KYAT3: variants seen among roughly 807,000 people sequenced by gnomAD.
KYAT3 encodes the protein kynurenine aminotransferase 3.
KYAT3 carries 50 observed loss-of-function variants against 59.0 expected under a neutral mutation model. That is an observed-to-expected ratio of 0.85 (90% CI 0.68 to 1.07). The LOEUF (loss-of-function observed/expected upper bound fraction) is 1.07, where lower values mean the gene tolerates loss of function less well. KYAT3 is among the 50% of genes least tolerant of loss of function. KYAT3 has a pLI of 0.00. For synonymous variants in KYAT3, 148 were observed against 177.0 expected, an observed-to-expected ratio of 0.84 and a Z score of 1.30; for missense variants, 497 against 533.3, an observed-to-expected ratio of 0.93 and a Z score of 0.67.
intron 2 of KYAT3, chr1:88,980,873 A>T (rs890064931): frequency 2.0e-5 from 3 of 152,216 alleles, no homozygotes; most frequent in African/African-American, 7.2e-5. Flanking sequence ...TTTGGTCATT[A>T]CCCTTGTGGT....
rs1462377230 is a variant in KYAT3 at position 88,936,210 on chromosome 1, G to C, written c.1338C>G (p.Ile446Met). The C allele has an allele frequency of 1.2e-6, 2 of 1,611,272 alleles. No individual in the cohort carries two copies. Among genetic ancestry groups the C allele is most frequent in the Admixed American group, 3.3e-5 (2 of 59,970 alleles). ...DSTLDAAEEI[I>M]KAWSVQKS is the part of the protein sequence containing the mutation. ...AAGACTTCTGTACACTCCATGCCTT[G>C]ATGATTTCTTCAGCAGCATCCAGTG... Residue 446 changes from isoleucine (I) to methionine (M), a missense_variant, in exon 14 of 14, where the codon ATC becomes ATG. Around this residue, in one of 2 missense-constraint regions of KYAT3, gnomAD observed 28 missense variants for 54.2 expected, o/e 0.52. Coordinates refer to ENST00000260508, the MANE Select transcript of KYAT3 (RefSeq NM_001008661.3).
Position 88,965,080 on chromosome 1 carries a change from T to A in KYAT3, c.304-102A>T, listed in dbSNP as rs557709318. 4.4e-6 allele frequency: 4 copies of A among 911,950 alleles called. No homozygotes were observed. In the East Asian group the frequency reaches 1.1e-4, roughly 26 times the overall value. The allele number at this position is 911,950 out of a possible 1,614,324, so 56.5% of individuals were successfully genotyped here. ...TGTAAGAATTTTTAAAATTTGGATT[T>A]GATGTTTATAATTACCCCAAGAAAA... On this transcript the variant is annotated intron_variant, in intron 4 of 13. Transcript: ENST00000260508.
At chr1:88,969,908 T>C (rs772946572) in intron 2 of KYAT3, among the ~76,000 whole-genome samples, 87 of 152,138 alleles carry the variant, frequency 5.7e-4, no homozygotes, top group Non-Finnish European at 1.1e-3. Context: ...TCCTCCTACC[T>C]TGGCCTCTCA....
the KYAT3 span, among the ~76,000 whole-genome samples, chr1:88,928,725 G>C: frequency 6.6e-6 from 1 of 152,068 alleles, no homozygotes; most frequent in Admixed American, 6.6e-5. Context: ...AGACCATTGA[G>C]GGCCAGGAGG....
intron 1 of KYAT3, among the ~76,000 whole-genome samples, chr1:88,988,603 ATTCTT>A (rs1677607339): frequency 6.6e-6 from 1 of 152,238 alleles, no homozygotes; most frequent in Admixed American, 6.5e-5. Flanking sequence ...CTTTAAGAAT[ATTCTT>A]AATTAAAAAA....
At chr1:88,966,764 T>A (rs1333144378) in intron 4 of KYAT3, among the ~76,000 whole-genome samples, 1 of 152,156 alleles carries the variant, frequency 6.6e-6, no homozygotes, top group South Asian at 2.1e-4. Flanking sequence ...AGAGTGGACA[T>A]CTTTGCTGTC....
chr1:88,935,478 C>A (rs1206119879), downstream of KYAT3, among the ~76,000 whole-genome samples: 1 of 152,014 alleles, frequency 6.6e-6, no homozygotes, highest in Non-Finnish European at 1.5e-5. Context: ...AAAGGTGAAG[C>A]CGACTTGAAT....
chr1:88,924,359 A>C, the KYAT3 span, among the ~76,000 whole-genome samples: 4 of 152,334 alleles, frequency 2.6e-5, no homozygotes, highest in East Asian at 7.7e-4. Context: ...TGGGACTTAC[A>C]TGAAATCACA....
At chr1:88,949,306 A>G (rs1268549218) in intron 10 of KYAT3, 29 bp from the exon 11 acceptor site, 1 of 1,475,500 alleles carries the variant, frequency 6.8e-7, no homozygotes, top group South Asian at 1.4e-5. Flanking sequence ...AAAATATGAA[A>G]AGGCATATGG....
chr1:88,953,600 T>G (rs868215772), intron 9 of KYAT3, among the ~76,000 whole-genome samples: 50 of 151,600 alleles, frequency 3.3e-4, no homozygotes, highest in African/African-American at 1.2e-3. Flanking sequence ...GTATTAGTAC[T>G]TAGAATCATT....
intron 2 of KYAT3, among the ~76,000 whole-genome samples, chr1:88,971,089 C>A (rs1676538948): frequency 6.6e-6 from 1 of 152,176 alleles, no homozygotes; most frequent in African/African-American, 2.4e-5. Context: ...GTTGAAATAT[C>A]TATCTTAACA....
In KYAT3 at chr1:88,963,100, G is replaced by A. The variant is rs1055776433; in HGVS notation, c.454-955C>T. Reference sequence around the variant, plus strand: ...CTACTGAGAGAGGCTTATAATGAACGGAGAGACAAATAAGGACATTAGATA... The same window carrying A: ...CTACTGAGAGAGGCTTATAATGAACAGAGAGACAAATAAGGACATTAGATA... On this transcript the variant is annotated intron_variant, in intron 5 of 13. Coordinates refer to ENST00000260508, the MANE Select transcript of KYAT3 (RefSeq NM_001008661.3). 3.3e-5 allele frequency among the ~76,000 whole-genome samples: 5 copies of A among 151,500 alleles called. No individual in the cohort carries two copies. The South Asian group carries it at 8.4e-4, about 25-fold the overall frequency.
At chr1:88,966,203 T>C (rs1676345684) in intron 4 of KYAT3, among the ~76,000 whole-genome samples, 1 of 152,102 alleles carries the variant, frequency 6.6e-6, no homozygotes, top group Non-Finnish European at 1.5e-5. Flanking sequence ...AAAACTAGAA[T>C]ATACATATTA....
At chr1:88,990,875 GATAA>G (rs1467785603) in intron 1 of KYAT3, among the ~76,000 whole-genome samples, 2 of 152,116 alleles carry the variant, frequency 1.3e-5, no homozygotes, top group African/African-American at 4.8e-5. Context: ...TCACAAATGA[GATAA>G]ATACATTAAA....
At chr1:88,985,215 AGAGT>A (rs1187484815) in intron 2 of KYAT3, among the ~76,000 whole-genome samples, 3 of 152,242 alleles carry the variant, frequency 2.0e-5, no homozygotes, top group South Asian at 2.1e-4. Flanking sequence ...AGACCTTGGA[AGAGT>A]GAGTAAGTGA....
intron 13 of KYAT3, among the ~76,000 whole-genome samples, chr1:88,938,133 C>G (rs189509723): frequency 6.6e-6 from 1 of 151,992 alleles, no homozygotes; most frequent in Non-Finnish European, 1.5e-5. Flanking sequence ...TGGGGGTGAT[C>G]GGAGCATCCT....
chr1:88,956,425 G>A (rs575666132), intron 8 of KYAT3, among the ~76,000 whole-genome samples: 9 of 152,166 alleles, frequency 5.9e-5, no homozygotes, highest in Non-Finnish European at 1.2e-4. Context: ...TAAAGACATT[G>A]ATTCATTCAT....
chr1:88,928,364 G>A, the KYAT3 span, among the ~76,000 whole-genome samples: 14 of 151,564 alleles, frequency 9.2e-5, no homozygotes, highest in Admixed American at 8.5e-4. Context: ...AGATCAGGAG[G>A]AACGGGACAA....
At chr1:88,958,072 C>G (rs1354672636) in intron 8 of KYAT3, among the ~76,000 whole-genome samples, 2 of 152,152 alleles carry the variant, frequency 1.3e-5, no homozygotes, top group Non-Finnish European at 2.9e-5. Flanking sequence ...AAAATATATC[C>G]CATTATAATT....
Sources: allele counts gnomAD v4.1 joint callset (sites outside exome capture counted in the v4.1 genomes callset), GRCh38; gene constraint gnomAD v4.1.1; regional missense constraint gnomAD v4.1.1; transcripts MANE v1.5; gene names NCBI Gene and HGNC (gene_info 2026-07-23, HGNC 2026-07-21).